The following THSD7A variants were observed in gnomAD, a reference collection of about 807,000 sequenced individuals.
The protein encoded by THSD7A is thrombospondin type 1 domain containing 7A.
In THSD7A, 96 loss-of-function variants were observed where a neutral mutation model predicts 231.3. That is an observed-to-expected ratio of 0.41 (90% CI 0.35 to 0.49). The LOEUF (loss-of-function observed/expected upper bound fraction) is 0.49. Ranked by LOEUF, THSD7A falls within the 20% of genes least tolerant of loss-of-function variation. THSD7A has a pLI of 0.05. For missense variants in THSD7A, 2,290 were observed against 2,070.2 expected, an observed-to-expected ratio of 1.11 and a Z score of -2.06; for synonymous variants, 940 against 743.3, an observed-to-expected ratio of 1.26 and a Z score of -4.30.
At chr7:11,463,753 C>T (rs571561345) in intron 9 of THSD7A, among the ~76,000 whole-genome samples, 202 of 152,202 alleles carry the variant, frequency 1.3e-3, no homozygotes, top group Non-Finnish European at 2.1e-3. Context: ...AGTTTGAATG[C>T]CAGCTGCAAC....
intron 5 of THSD7A, among the ~76,000 whole-genome samples, chr7:11,542,376 A>T (rs1375997677): frequency 1.3e-5 from 2 of 152,228 alleles, no homozygotes; most frequent in Non-Finnish European, 2.9e-5. Flanking sequence ...CAATCATGAG[A>T]TCATGTGAAA....
chr7:11,491,831 T>C (rs1786905226), intron 6 of THSD7A, among the ~76,000 whole-genome samples: 1 of 152,126 alleles, frequency 6.6e-6, no homozygotes, highest in Non-Finnish European at 1.5e-5. Flanking sequence ...AGGAAGCTTA[T>C]GAGTTCTAAT....
In THSD7A at chr7:11,811,239, C is replaced by T. The variant is rs1208764133; in HGVS notation, c.190+20518G>A. Among the ~76,000 whole-genome samples the T allele has an allele frequency of 3.9e-5, 6 of 152,252 alleles. No individual in the cohort carries two copies. In the East Asian group the frequency reaches 1.2e-3, roughly 29 times the overall value. On this transcript the variant is annotated intron_variant, in intron 1 of 27. Transcript: ENST00000423059. The stretch of plus-strand genomic sequence containing the variant: ...CAGAATTATCAAGCACACACACACA[C>T]ACGAAACAATGCCATGCACTGTACA...
At chr7:11,506,940 GTGTT>G (rs1463677952) in intron 6 of THSD7A, among the ~76,000 whole-genome samples, 1 of 151,980 alleles carries the variant, frequency 6.6e-6, no homozygotes, top group Non-Finnish European at 1.5e-5. Flanking sequence ...ATCTTTTTGT[GTGTT>G]TATTTTCTGT....
intron 4 of THSD7A, among the ~76,000 whole-genome samples, chr7:11,561,642 G>A (rs188640497): frequency 1.6e-4 from 25 of 152,228 alleles, no homozygotes; most frequent in Admixed American, 5.9e-4. Flanking sequence ...AGGCCAAGGC[G>A]GGTGGATTAC....
intron 23 of THSD7A, among the ~76,000 whole-genome samples, chr7:11,398,931 GCTAA>G (rs1361600741): frequency 1.8e-4 from 27 of 152,170 alleles, no homozygotes; most frequent in Admixed American, 1.2e-3. Flanking sequence ...GGGTAAACAA[GCTAA>G]CTAGATAACT....
intron 6 of THSD7A, among the ~76,000 whole-genome samples, chr7:11,496,569 T>C (rs958743769): frequency 2.6e-5 from 4 of 152,150 alleles, no homozygotes; most frequent in East Asian, 3.9e-4. Context: ...ACAGAGATGA[T>C]AGATATTCCT....
At chr7:11,401,053 C>T (rs1783385737) in intron 23 of THSD7A, among the ~76,000 whole-genome samples, 1 of 151,926 alleles carries the variant, frequency 6.6e-6, no homozygotes, top group African/African-American at 2.4e-5. Context: ...TATATATATT[C>T]TAAGTAAAAT....
intron 1 of THSD7A, among the ~76,000 whole-genome samples, chr7:11,749,206 G>C (rs929255651): frequency 4.6e-5 from 7 of 151,942 alleles, no homozygotes; most frequent in African/African-American, 4.8e-5. Flanking sequence ...CACACATTCT[G>C]CTCCTTGCCC....
intron 1 of THSD7A, among the ~76,000 whole-genome samples, chr7:11,674,643 C>A (rs574206174): frequency 5.9e-5 from 9 of 152,024 alleles, no homozygotes; most frequent in Non-Finnish European, 1.3e-4. Context: ...ACACAACATA[C>A]GCCATAATCA....
chr7:11,827,376 G>A (rs1785063367), intron 1 of THSD7A, among the ~76,000 whole-genome samples: 1 of 152,092 alleles, frequency 6.6e-6, no homozygotes, highest in African/African-American at 2.4e-5. Flanking sequence ...CCAAAACACT[G>A]TGAATTATCT....
chr7:11,574,786 T>C (rs1177463598), intron 4 of THSD7A, among the ~76,000 whole-genome samples: 1 of 152,184 alleles, frequency 6.6e-6, no homozygotes, highest in Non-Finnish European at 1.5e-5. Flanking sequence ...TCATTAAATA[T>C]GAGTAACCTT....
intron 23 of THSD7A, among the ~76,000 whole-genome samples, chr7:11,397,079 C>T (rs1783215535): frequency 6.6e-6 from 1 of 152,150 alleles, no homozygotes; most frequent in South Asian, 2.1e-4. Flanking sequence ...CAAAATTCAA[C>T]ACCCCTTCAT....
intron 1 of THSD7A, among the ~76,000 whole-genome samples, chr7:11,785,728 T>A (rs1783768931): frequency 6.6e-6 from 1 of 152,144 alleles, no homozygotes; most frequent in African/African-American, 2.4e-5. Context: ...TTCACATGTA[T>A]TGTATTCACT....
At chr7:11,508,964 C>T (rs1174919581) in intron 6 of THSD7A, among the ~76,000 whole-genome samples, 2 of 152,140 alleles carry the variant, frequency 1.3e-5, no homozygotes, top group East Asian at 3.9e-4. Flanking sequence ...GACTTACCAA[C>T]AAATTGTTCA....
At chr7:11,613,947 A>G (rs1313221976) in intron 2 of THSD7A, among the ~76,000 whole-genome samples, 2 of 152,200 alleles carry the variant, frequency 1.3e-5, no homozygotes, top group Admixed American at 1.3e-4. Context: ...TTGCAAATGA[A>G]CAAAAGCAAT....
intron 7 of THSD7A, among the ~76,000 whole-genome samples, chr7:11,475,987 G>C (rs6967452): frequency 1.4e-5 from 2 of 140,028 alleles, no homozygotes; most frequent in Non-Finnish European, 3.0e-5. Context: ...TATCATGAGA[G>C]TTAACAAATT....
At chr7:11,511,103 AT>A (rs1458671585) in intron 6 of THSD7A, among the ~76,000 whole-genome samples, 4 of 152,216 alleles carry the variant, frequency 2.6e-5, no homozygotes, top group African/African-American at 9.7e-5. Context: ...TACAAAATCA[AT>A]GTGCAAAAAT....
chr7:11,418,494 C>G (rs984165617), intron 16 of THSD7A, among the ~76,000 whole-genome samples: 2 of 152,136 alleles, frequency 1.3e-5, no homozygotes, highest in Non-Finnish European at 2.9e-5. Context: ...GGTCAGCCAA[C>G]TTAATGGATT....
Sources: allele counts gnomAD v4.1 joint callset (sites outside exome capture counted in the v4.1 genomes callset), GRCh38; gene constraint gnomAD v4.1.1; transcripts MANE v1.5; gene names NCBI Gene and HGNC (gene_info 2026-07-23, HGNC 2026-07-21).